Variants in PACRG observed in about 807,000 individuals in gnomAD.
The protein encoded by PACRG is parkin coregulated gene protein.
In PACRG, 29 loss-of-function variants were observed where a neutral mutation model predicts 29.7. That is an observed-to-expected ratio of 0.98 (90% CI 0.73 to 1.33). The LOEUF (loss-of-function observed/expected upper bound fraction) is 1.33. Among genes scored for constraint, PACRG ranks in the 40% most tolerant of loss-of-function variants. The pLI is 0.00. For missense variants in PACRG, 279 were observed against 316.2 expected (o/e 0.88, Z 0.89); for synonymous variants, 116 against 118.7 (o/e 0.98, Z 0.15).
At chr6:163,213,719 T>G (rs1781246215) in intron 4 of PACRG, among the ~76,000 whole-genome samples, 1 of 152,216 alleles carries the variant, frequency 6.6e-6, no homozygotes, top group Non-Finnish European at 1.5e-5. Context: ...ATTAAGGAAA[T>G]TAACCCTTTG....
chr6:163,146,205 G>A (rs76739122), intron 4 of PACRG, among the ~76,000 whole-genome samples: 1,607 of 152,120 alleles, frequency 0.011, 27 homozygotes, highest in African/African-American at 0.037. Flanking sequence ...AGATGCCGTC[G>A]GTAGCCTTGT....
At chr6:162,740,160 T>C (rs1356470895) in intron 1 of PACRG, among the ~76,000 whole-genome samples, 1 of 152,194 alleles carries the variant, frequency 6.6e-6, no homozygotes, top group Non-Finnish European at 1.5e-5. Flanking sequence ...TTTAGCGAGA[T>C]GAGTTCCCCC....
intron 2 of PACRG, among the ~76,000 whole-genome samples, chr6:162,992,042 T>C (rs1803474805): frequency 7.1e-6 from 1 of 140,038 alleles, no homozygotes; most frequent in Non-Finnish European, 1.5e-5. Flanking sequence ...TGGATTACAT[T>C]TATTGATTTG....
intron 2 of PACRG, among the ~76,000 whole-genome samples, chr6:162,832,355 G>A (rs1320823284): frequency 6.6e-6 from 1 of 151,840 alleles, no homozygotes; most frequent in Non-Finnish European, 1.5e-5. Flanking sequence ...CTTCTTAATG[G>A]GGTTGTTTGT....
At chr6:162,978,083 G>A (rs112216157) in intron 2 of PACRG, among the ~76,000 whole-genome samples, 1 of 152,054 alleles carries the variant, frequency 6.6e-6, no homozygotes, top group Non-Finnish European at 1.5e-5. Context: ...GCCGGAGGTT[G>A]CAGTGAACCA....
At chr6:162,732,441 C>CA (rs1478943590) in intron 1 of PACRG, among the ~76,000 whole-genome samples, 21 of 152,196 alleles carry the variant, frequency 1.4e-4, no homozygotes, top group African/African-American at 4.8e-4. Flanking sequence ...CAGCTAGTTG[C>CA]AAGAGAGGCT....
intron 4 of PACRG, among the ~76,000 whole-genome samples, chr6:163,205,846 A>T (rs1780880179): frequency 6.6e-6 from 1 of 152,218 alleles, no homozygotes; most frequent in Non-Finnish European, 1.5e-5. Context: ...ATCTATAAGG[A>T]ACTTAAAGGA....
At chr6:163,169,396 A>T (rs1201196977) in intron 4 of PACRG, among the ~76,000 whole-genome samples, 1 of 152,168 alleles carries the variant, frequency 6.6e-6, no homozygotes, top group Non-Finnish European at 1.5e-5. Context: ...TCCATGTCTG[A>T]TTTTCCAAAG....
chr6:163,074,107 A>G (rs1298960637), intron 3 of PACRG, among the ~76,000 whole-genome samples: 1 of 152,226 alleles, frequency 6.6e-6, no homozygotes, highest in Non-Finnish European at 1.5e-5. Context: ...TATATCAAAG[A>G]AATATCTGCA....
At chr6:163,284,786 A>C (rs1784338578) in intron 4 of PACRG, among the ~76,000 whole-genome samples, 1 of 151,982 alleles carries the variant, frequency 6.6e-6, no homozygotes, top group South Asian at 2.1e-4. Context: ...TATCTCCTCA[A>C]GCCTTTGTCC....
chr6:162,752,674 C>T (rs1012022867), intron 1 of PACRG, among the ~76,000 whole-genome samples: 2 of 152,170 alleles, frequency 1.3e-5, no homozygotes, highest in African/African-American at 4.8e-5. Context: ...AATGTGGTGG[C>T]ACACTTTAGC....
intron 4 of PACRG, chr6:163,191,454 G>A (rs1486250948): frequency 4.9e-5 from 17 of 347,084 alleles, no homozygotes; most frequent in Non-Finnish European, 7.9e-5. Flanking sequence ...TGCTATGGCC[G>A]CTTTCTGCAC....
chr6:163,167,037 A>T (rs149961964), intron 4 of PACRG, among the ~76,000 whole-genome samples: 1 of 152,358 alleles, frequency 6.6e-6, no homozygotes, highest in African/African-American at 2.4e-5. Flanking sequence ...TCATTAGCAG[A>T]ATATGTCTCA....
chr6:162,816,266 A>T (rs1473020934), intron 2 of PACRG, among the ~76,000 whole-genome samples: 2 of 152,324 alleles, frequency 1.3e-5, no homozygotes, highest in East Asian at 3.9e-4. Flanking sequence ...TTATTCCGGA[A>T]GCTGTGGACT....
At chr6:162,761,643 C>CA (rs1228875298) in intron 1 of PACRG, among the ~76,000 whole-genome samples, 1 of 152,008 alleles carries the variant, frequency 6.6e-6, no homozygotes, top group Non-Finnish European at 1.5e-5. Flanking sequence ...GAGTGAATTT[C>CA]AAAACCTGAG....
chr6:163,139,905 C>T (rs1486585605), intron 4 of PACRG, among the ~76,000 whole-genome samples: 2 of 152,136 alleles, frequency 1.3e-5, no homozygotes, highest in African/African-American at 2.4e-5. Context: ...CTTGCTTCTC[C>T]CCTTTGTGTC....
intron 2 of PACRG, among the ~76,000 whole-genome samples, chr6:162,836,981 A>T (rs1789282979): frequency 6.6e-6 from 1 of 152,186 alleles, no homozygotes; most frequent in Non-Finnish European, 1.5e-5. Context: ...TTGCAGCTGA[A>T]TGTTAGAGAA....
At chr6:162,893,787 C>T (rs1794965391) in intron 2 of PACRG, among the ~76,000 whole-genome samples, 1 of 152,106 alleles carries the variant, frequency 6.6e-6, no homozygotes, top group Non-Finnish European at 1.5e-5. Flanking sequence ...TGGGAATCAC[C>T]CAGTTAGAAA....
chr6:162,873,049 G>A (rs1351606202), intron 2 of PACRG, among the ~76,000 whole-genome samples: 1 of 152,214 alleles, frequency 6.6e-6, no homozygotes, highest in Admixed American at 6.5e-5. Flanking sequence ...CAGTGCACAT[G>A]TAAGCCTAAC....
Sources: allele counts gnomAD v4.1 joint callset (sites outside exome capture counted in the v4.1 genomes callset), GRCh38; gene constraint gnomAD v4.1.1; transcripts MANE v1.5; gene names NCBI Gene and HGNC (gene_info 2026-07-23, HGNC 2026-07-21).